TRPC3: variants seen among roughly 807,000 people sequenced by gnomAD.
The protein encoded by TRPC3 is transient receptor potential cation channel subfamily C member 3, also known as short transient receptor potential channel 3.
TRPC3 carries 54 observed loss-of-function variants against 90.9 expected under a neutral mutation model. The observed-to-expected ratio is 0.59, with a 90% CI of 0.48 to 0.75. The LOEUF is 0.75. Among genes scored for constraint, TRPC3 ranks in the 30% least tolerant of loss-of-function variants. The probability of loss-of-function intolerance (pLI) is 0.00; values close to 1 mark genes in which losing one functional copy is unlikely to be tolerated. For synonymous variants in TRPC3, 424 were observed against 450.9 expected (o/e 0.94, Z 0.75); for missense variants, 918 against 1,194.5 (o/e 0.77, Z 3.41).
Position 121,932,358 on chromosome 4 carries a change from G to A in TRPC3, c.900C>T (p.Leu300=). 6.2e-7 allele frequency: 1 copy of A among 1,614,190 alleles called. No individual in the cohort carries two copies. The highest frequency in any genetic ancestry group is 1.6e-4 in the Middle Eastern group (1 of 6,062). Residue 300 remains leucine, a synonymous_variant, in exon 2 of 12, where the codon CTC becomes CTT. Coordinates refer to ENST00000379645, the MANE Select transcript of TRPC3 (RefSeq NM_001130698.2). This position sits in a 1 kb window ranked among gnomAD's most constrained non-coding sequence, Gnocchi z 7.7. ...GCACCGGGTCCTCGCTGGACAATGA[G>A]AGGTAAGCCGGGCTGGCCAGCCCCT... ...AYKGLASPAY[L]SLSSEDPVLT...
At chr4:121,933,184 T>C in intron 1 of TRPC3, 142 bp from the exon 2 acceptor site, 2 of 1,354,376 alleles carry the variant, frequency 1.5e-6, no homozygotes, top group Non-Finnish European at 9.5e-7. Flanking sequence ...GCGATACCGT[T>C]GCTAACTACT....
At chr4:121,901,056 G>A (rs994765037) in intron 9 of TRPC3, among the ~76,000 whole-genome samples, 3 of 152,244 alleles carry the variant, frequency 2.0e-5, no homozygotes, top group Middle Eastern at 3.4e-3. Flanking sequence ...TCAACCTGAC[G>A]TTTAGTATTT....
intron 6 of TRPC3, among the ~76,000 whole-genome samples, chr4:121,908,715 G>A (rs923984122): frequency 3.3e-5 from 5 of 151,994 alleles, no homozygotes; most frequent in Non-Finnish European, 7.4e-5. Flanking sequence ...CAATGAAACT[G>A]GAAAACTACT....
intron 6 of TRPC3, among the ~76,000 whole-genome samples, chr4:121,908,655 C>G (rs764248341): frequency 2.0e-4 from 31 of 152,040 alleles, no homozygotes; most frequent in African/African-American, 7.0e-4. Context: ...CAGGTTTTCA[C>G]TTATAAGTGG....
chr4:121,917,264 T>A (rs1729350783), intron 3 of TRPC3, among the ~76,000 whole-genome samples: 1 of 152,198 alleles, frequency 6.6e-6, no homozygotes, highest in South Asian at 2.1e-4. Context: ...AATCATTATT[T>A]GAACTCACGA....
At chr4:121,905,077 C>A (rs924835364) in intron 7 of TRPC3, among the ~76,000 whole-genome samples, 2 of 151,612 alleles carry the variant, frequency 1.3e-5, no homozygotes, top group Admixed American at 1.3e-4. Flanking sequence ...TGAGACAGAT[C>A]GAGCTTTGTG....
rs943238381 is a variant in TRPC3, at chr4:121,874,899, A to C, written c.*4837T>G. Among the ~76,000 whole-genome samples, 5 of 152,242 alleles carry C rather than the reference A, an allele frequency of 3.3e-5. No individual in the cohort carries two copies. Among genetic ancestry groups the C allele is most frequent in the South Asian group, 2.1e-4 (1 of 4,824 alleles). ...TGTAGTCTCAGCTATTTGAAGGCTG[A>C]GGCTCAAGATTGCTTGAGCCCAACA... On this transcript the variant is annotated 3_prime_UTR_variant, in exon 12 of 12. Coordinates refer to ENST00000379645, the MANE Select transcript of TRPC3 (RefSeq NM_001130698.2).
Position 121,914,906 on chromosome 4 carries a change from C to G in TRPC3, c.1215G>C (p.Thr405=). 1 of 1,610,206 alleles carries G rather than the reference C, an allele frequency of 6.2e-7. No homozygotes were observed. The highest frequency in any genetic ancestry group is 8.5e-7 in the Non-Finnish European group (1 of 1,177,086). The stretch of plus-strand genomic sequence containing the variant: ...GGCCTGAGAGGTTCTCATACCAGAT[C>G]GTCAAGAGCTGCTGCTGGCAGTTGG... ...AHPNCQQQLL[T]IWYENLSGLR... The change falls in exon 4 of 12, where the codon ACG becomes ACC. Residue 405 remains threonine, a synonymous_variant. Coordinates refer to ENST00000379645, the MANE Select transcript of TRPC3 (RefSeq NM_001130698.2).
At chr4:121,930,272 T>C (rs1454888930) in intron 2 of TRPC3, among the ~76,000 whole-genome samples, 1 of 152,200 alleles carries the variant, frequency 6.6e-6, no homozygotes, top group Non-Finnish European at 1.5e-5. Flanking sequence ...GCACTTTCCA[T>C]ATAATCTAGA....
At position 121,926,799 on chromosome 4, in the gene TRPC3, A is replaced by G. The variant is rs145321423; in HGVS notation, c.988-1593T>C. ...CATTATCCCTTGCCTTACTGGAGACATTGCTTCTCAAAGTGTAGTCCTCAG... is the reference window on the plus strand; with the variant it reads ...CATTATCCCTTGCCTTACTGGAGACGTTGCTTCTCAAAGTGTAGTCCTCAG... On this transcript the variant is annotated intron_variant, in intron 2 of 11. Transcript: ENST00000379645. Among the ~76,000 whole-genome samples the G allele has an allele frequency of 2.8e-3, 428 of 152,274 alleles. 4 individuals carry two copies. Among genetic ancestry groups the G allele is most frequent in the Middle Eastern group, 0.017 (5 of 294 alleles).
At chr4:121,941,891 A>G (rs1165684359) in intron 1 of TRPC3, among the ~76,000 whole-genome samples, 1 of 152,224 alleles carries the variant, frequency 6.6e-6, no homozygotes, top group African/African-American at 2.4e-5. Flanking sequence ...GTACACCAGC[A>G]TGCAAGGCTA....
chr4:121,950,137 G>C (rs1730654806), intron 1 of TRPC3, among the ~76,000 whole-genome samples: 1 of 152,192 alleles, frequency 6.6e-6, no homozygotes, highest in African/African-American at 2.4e-5. Context: ...CTTATCTTCA[G>C]CAATAACTGA....
At chr4:121,922,508 C>A (rs1238237013) in intron 3 of TRPC3, among the ~76,000 whole-genome samples, 3 of 152,152 alleles carry the variant, frequency 2.0e-5, no homozygotes. Context: ...TTGACTGATA[C>A]CAATTTATTA....
rs13121031 is a variant in TRPC3, at chr4:121,932,961, G to A, written c.297C>T (p.Ala99=). The A allele has an allele frequency of 6.2e-7, 1 of 1,612,968 alleles. No individual in the cohort carries two copies. Among genetic ancestry groups the A allele is most frequent in the Non-Finnish European group, 8.5e-7 (1 of 1,179,502 alleles). ...KGRRQAVRGP[A]FMFNDRGTSL... The stretch of plus-strand genomic sequence containing the variant: ...TGGTGCCGCGGTCATTGAACATGAA[G>A]GCCGGGCCCCTGACAGCCTGGCGCC... Residue 99 remains alanine, a synonymous_variant, in exon 2 of 12, where the codon GCC becomes GCT. Transcript: ENST00000379645. This position sits in a 1 kb window ranked among gnomAD's most constrained non-coding sequence, Gnocchi z 7.7.
At position 121,876,643 on chromosome 4, in the gene TRPC3, C is replaced by T. The variant is rs1286745232; in HGVS notation, c.*3093G>A. ...TTGTACCAAATTTGCTTTTAATAATCACAACATATCATTTTTGTTTTTATT... is the reference window on the plus strand; with the variant it reads ...TTGTACCAAATTTGCTTTTAATAATTACAACATATCATTTTTGTTTTTATT... On this transcript the variant is annotated 3_prime_UTR_variant, in exon 12 of 12. Coordinates refer to ENST00000379645, the MANE Select transcript of TRPC3 (RefSeq NM_001130698.2). 6.6e-6 allele frequency among the ~76,000 whole-genome samples: 1 copy of T among 152,144 alleles called. No individual in the cohort carries two copies. Among genetic ancestry groups the T allele is most frequent in the African/African-American group, 2.4e-5 (1 of 41,428 alleles).
At chr4:121,896,706 T>C (rs1728527049) in intron 10 of TRPC3, among the ~76,000 whole-genome samples, 1 of 151,994 alleles carries the variant, frequency 6.6e-6, no homozygotes, top group African/African-American at 2.4e-5. Flanking sequence ...ACTGTTAAAA[T>C]GACAACGGTA....
At chr4:121,899,556 C>T (rs368321402) in intron 10 of TRPC3, 56 bp downstream of exon 10, 65 of 1,430,908 alleles carry the variant, frequency 4.5e-5, no homozygotes, top group African/African-American at 8.5e-5. Flanking sequence ...CAAACACACA[C>T]GCAGACATAT....
At chr4:121,907,163 C>T (rs1033614472) in intron 7 of TRPC3, 140 bp downstream of exon 7, 4 of 789,382 alleles carry the variant, frequency 5.1e-6, no homozygotes, top group Non-Finnish European at 8.0e-6. Context: ...ATAATCAACA[C>T]AAGCACTAAC....
At chr4:121,898,874 A>T (rs1281347143) in intron 10 of TRPC3, among the ~76,000 whole-genome samples, 3 of 151,578 alleles carry the variant, frequency 2.0e-5, no homozygotes, top group Non-Finnish European at 2.9e-5. Flanking sequence ...AAATTTTCTT[A>T]AAAAAAAGAC....
Sources: allele counts gnomAD v4.1 joint callset (sites outside exome capture counted in the v4.1 genomes callset), GRCh38; gene constraint gnomAD v4.1.1; non-coding constraint Gnocchi (gnomAD v3.1); transcripts MANE v1.5; gene names NCBI Gene and HGNC (gene_info 2026-07-23, HGNC 2026-07-21).